The following OTUD7A variants were observed in gnomAD, a reference collection of about 807,000 sequenced individuals.
OTUD7A encodes OTU deubiquitinase 7A.
OTUD7A carries 12 observed loss-of-function variants against 65.7 expected under a neutral mutation model. That is an observed-to-expected ratio of 0.18 (90% CI 0.12 to 0.30). OTUD7A has a LOEUF of 0.30. Ranked by LOEUF, OTUD7A falls within the 10% of genes least tolerant of loss-of-function variation. The pLI, the probability that OTUD7A is intolerant of heterozygous loss-of-function variation, is 1.00. For synonymous variants in OTUD7A, 641 were observed against 586.3 expected (o/e 1.09, Z -1.35); for missense variants, 1,148 against 1,304.8 (o/e 0.88, Z 1.85).
intron 1 of OTUD7A, among the ~76,000 whole-genome samples, chr15:31,686,864 A>C (rs915303969): frequency 6.6e-6 from 1 of 152,220 alleles, no homozygotes. Flanking sequence ...ATCTGCTTTT[A>C]AGAGTTGTGG....
chr15:31,586,422 C>G (rs1442808254), intron 3 of OTUD7A, among the ~76,000 whole-genome samples: 1 of 152,164 alleles, frequency 6.6e-6, no homozygotes, highest in African/African-American at 2.4e-5. Context: ...GCACAGCAGC[C>G]CCCCAGGGCT....
intron 1 of OTUD7A, among the ~76,000 whole-genome samples, chr15:31,843,893 A>G (rs1301800191): frequency 6.6e-6 from 1 of 152,142 alleles, no homozygotes; most frequent in Admixed American, 6.5e-5. Context: ...CACGGTTTAC[A>G]TTGTGAGGTT....
chr15:31,666,701 T>C (rs1423975796), intron 1 of OTUD7A, among the ~76,000 whole-genome samples: 2 of 152,190 alleles, frequency 1.3e-5, no homozygotes, highest in Admixed American at 6.5e-5. Flanking sequence ...CTTGTTTCTC[T>C]AGTTCCTTGA....
At chr15:31,796,953 C>T (rs745663448) in intron 1 of OTUD7A, among the ~76,000 whole-genome samples, 2 of 152,234 alleles carry the variant, frequency 1.3e-5, no homozygotes, top group Non-Finnish European at 2.9e-5. Flanking sequence ...AGGCTGGTTT[C>T]GAACTCCTGA....
At chr15:31,595,682 C>T (rs1280321583) in intron 3 of OTUD7A, among the ~76,000 whole-genome samples, 1 of 152,240 alleles carries the variant, frequency 6.6e-6, no homozygotes, top group African/African-American at 2.4e-5. Context: ...GCTCAGCTGG[C>T]TTCTCTGCTC....
chr15:31,618,987 A>C (rs1408166969), intron 3 of OTUD7A, among the ~76,000 whole-genome samples: 2 of 152,188 alleles, frequency 1.3e-5, no homozygotes, highest in Non-Finnish European at 2.9e-5. Context: ...TCAGCTTTCT[A>C]CATATGGCTA....
chr15:31,853,509 A>G lies in OTUD7A; in HGVS notation c.-100+16998T>C, dbSNP rs115960921. Among the ~76,000 whole-genome samples, 1,066 of 152,334 alleles carry G rather than the reference A, an allele frequency of 7.0e-3. 15 individuals are homozygous for G. The highest frequency in any genetic ancestry group is 0.025 in the African/African-American group (1,026 of 41,574). ...ACAGAGAGCCAGCACCCACCTCCTGAACCTGGGGAGGCACATGGGCCCCGC... is the reference window on the plus strand; with the variant it reads ...ACAGAGAGCCAGCACCCACCTCCTGGACCTGGGGAGGCACATGGGCCCCGC... On this transcript the variant is annotated intron_variant, in intron 1 of 12. Transcript: ENST00000307050.
intron 1 of OTUD7A, among the ~76,000 whole-genome samples, chr15:31,709,675 G>A (rs1397129100): frequency 1.3e-5 from 2 of 151,192 alleles, no homozygotes; most frequent in Non-Finnish European, 3.0e-5. Context: ...GGACACATCA[G>A]TTAGAGGAAA....
Position 31,487,500 on chromosome 15 carries a change from T to A in OTUD7A, c.1238A>T (p.Lys413Met). The A allele has an allele frequency of 6.2e-7, 1 of 1,614,070 alleles. No homozygotes were observed. The highest frequency in any genetic ancestry group is 8.5e-7 in the Non-Finnish European group (1 of 1,180,022). The change falls in exon 11 of 13, where the codon AAG becomes ATG. Residue 413 changes from lysine to methionine, a missense_variant. Lys to Met is a moderately conservative substitution (Grantham distance 95). This residue lies in a region of OTUD7A where 842 missense variants were observed against 769.5 expected (regional missense o/e 1.09). Coordinates refer to ENST00000307050, the MANE Select transcript of OTUD7A (RefSeq NM_001382637.1). This position sits in a 1 kb window ranked among gnomAD's most constrained non-coding sequence, Gnocchi z 6.0. ...LPLHFAVDPG[K>M]DWEWGKDDND... is the part of the protein sequence containing the mutation. ...GTCGTCTTTCCCCCACTCCCAGTCCTTGCCAGGGTCCACTGCAAAGTGCAG... is the reference window on the plus strand; with the variant it reads ...GTCGTCTTTCCCCCACTCCCAGTCCATGCCAGGGTCCACTGCAAAGTGCAG...
chr15:31,630,648 C>T (rs1194804769), intron 3 of OTUD7A, among the ~76,000 whole-genome samples: 1 of 152,280 alleles, frequency 6.6e-6, no homozygotes, highest in East Asian at 1.9e-4. Context: ...TCCTTGTTAA[C>T]TTTCTGTGTC....
chr15:31,785,161 TAGACCATGCAAGTACACTTTGATGGAACC>T (rs1162758438), intron 1 of OTUD7A, among the ~76,000 whole-genome samples: 5 of 152,206 alleles, frequency 3.3e-5, no homozygotes, highest in Non-Finnish European at 5.9e-5. Flanking sequence ...TTGATGGATC[TAGACCATGCAAGTACACTTTGATGGAACC>T]AGACCATGCA....
chr15:31,654,794 G>C (rs1410504417), intron 3 of OTUD7A, among the ~76,000 whole-genome samples: 1 of 152,152 alleles, frequency 6.6e-6, no homozygotes. Flanking sequence ...CTGGATAGTA[G>C]GTGCTTTTTC....
At chr15:31,817,788 C>T (rs1161221738) in intron 1 of OTUD7A, among the ~76,000 whole-genome samples, 1 of 152,244 alleles carries the variant, frequency 6.6e-6, no homozygotes, top group Non-Finnish European at 1.5e-5. Context: ...TCATACCAAC[C>T]TGCTGCCCAC....
chr15:31,563,807 G>C (rs73372585), intron 4 of OTUD7A, among the ~76,000 whole-genome samples: 9,515 of 152,302 alleles, frequency 0.062, 990 homozygotes, highest in African/African-American at 0.22. Context: ...GCTATGCAGA[G>C]GGGAACAGGC....
intron 1 of OTUD7A, among the ~76,000 whole-genome samples, chr15:31,676,573 C>T (rs1892599292): frequency 1.3e-5 from 2 of 152,190 alleles, no homozygotes. Context: ...AGAAGCTGTG[C>T]TGGCCTGTGA....
At chr15:31,733,075 T>C (rs1401378882) in intron 1 of OTUD7A, among the ~76,000 whole-genome samples, 1 of 152,206 alleles carries the variant, frequency 6.6e-6, no homozygotes, top group Non-Finnish European at 1.5e-5. Context: ...CACAGTGGGC[T>C]CTGGAGCCCG....
intron 1 of OTUD7A, among the ~76,000 whole-genome samples, chr15:31,663,282 C>CACA (rs974611178): frequency 5.3e-5 from 8 of 150,358 alleles, no homozygotes; most frequent in Admixed American, 1.3e-4. Flanking sequence ...CACACACACA[C>CACA]AAGTTTTTAA....
At chr15:31,533,810 T>C (rs1566907670) in intron 5 of OTUD7A, among the ~76,000 whole-genome samples, 1 of 152,226 alleles carries the variant, frequency 6.6e-6, no homozygotes, top group Admixed American at 6.5e-5. Context: ...GTCTGATGGT[T>C]AAAGCAAAAA....
At chr15:31,718,827 A>G (rs1256715451) in intron 1 of OTUD7A, among the ~76,000 whole-genome samples, 1 of 150,148 alleles carries the variant, frequency 6.7e-6, no homozygotes, top group Admixed American at 6.7e-5. Flanking sequence ...TGTGATTCAC[A>G]TTTCTTTATT....
Sources: allele counts gnomAD v4.1 joint callset (sites outside exome capture counted in the v4.1 genomes callset), GRCh38; gene constraint gnomAD v4.1.1; regional missense constraint gnomAD v4.1.1; non-coding constraint Gnocchi (gnomAD v3.1); transcripts MANE v1.5; gene names NCBI Gene and HGNC (gene_info 2026-07-23, HGNC 2026-07-21).